Variants in NXPE4 observed in about 807,000 individuals in gnomAD.
The protein encoded by NXPE4 is NXPE family member 4.
Under a neutral mutation model 33.3 loss-of-function variants are expected in NXPE4, and 42 were observed. The observed-to-expected ratio is 1.26, with a 90% CI of 0.98 to 1.63. The LOEUF (loss-of-function observed/expected upper bound fraction) is 1.63, where lower values mean the gene tolerates loss of function less well. Ranked by LOEUF, NXPE4 falls within the 40% of genes most tolerant of loss-of-function variation. The probability of loss-of-function intolerance (pLI) is 0.00; values close to 1 mark genes in which losing one functional copy is unlikely to be tolerated. For synonymous variants in NXPE4, 253 were observed against 234.9 expected, an observed-to-expected ratio of 1.08 and a Z score of -0.71; for missense variants, 709 against 647.6, an observed-to-expected ratio of 1.09 and a Z score of -1.03.
upstream of NXPE4, among the ~76,000 whole-genome samples, chr11:114,599,295 C>T (rs1949612379): frequency 6.6e-6 from 1 of 152,176 alleles, no homozygotes; most frequent in Non-Finnish European, 1.5e-5. Flanking sequence ...CTTCTGAGAC[C>T]TCCTCAGACT....
the NXPE4 span, among the ~76,000 whole-genome samples, chr11:114,610,217 A>G: frequency 2.0e-5 from 3 of 151,946 alleles, no homozygotes; most frequent in Non-Finnish European, 1.5e-5. Flanking sequence ...TACCCAGTCA[A>G]TAATAAGTGT....
chr11:114,604,640 G>A, the NXPE4 span, among the ~76,000 whole-genome samples: 3 of 142,226 alleles, frequency 2.1e-5, no homozygotes, highest in Admixed American at 7.0e-5. Context: ...GTGGGTAACC[G>A]CTGTTACCCG....
At chr11:114,646,511 C>T in the NXPE4 span, among the ~76,000 whole-genome samples, 1 of 151,798 alleles carries the variant, frequency 6.6e-6, no homozygotes, top group African/African-American at 2.4e-5. Context: ...TTTATTAGAA[C>T]AATGTAATTT....
the NXPE4 span, among the ~76,000 whole-genome samples, chr11:114,622,144 G>A: frequency 6.6e-6 from 1 of 152,048 alleles, no homozygotes; most frequent in African/African-American, 2.4e-5. Flanking sequence ...ATTGCCTCAT[G>A]GGTAGCCACT....
At chr11:114,647,512 T>A in the NXPE4 span, among the ~76,000 whole-genome samples, 1 of 152,278 alleles carries the variant, frequency 6.6e-6, no homozygotes, top group African/African-American at 2.4e-5. Flanking sequence ...TATGTAAGTT[T>A]CCTGTTTTTT....
the NXPE4 span, among the ~76,000 whole-genome samples, chr11:114,639,817 A>AAATATAATATATATTATATTAAATATAC: frequency 1.1e-4 from 13 of 119,714 alleles, no homozygotes; most frequent in Non-Finnish European, 1.9e-4. Context: ...AAATAATATA[A>AAATATAATATATATTATATTAAATATAC]AATATAATAT....
At chr11:114,675,925 AG>A in the NXPE4 span, among the ~76,000 whole-genome samples, 1 of 151,982 alleles carries the variant, frequency 6.6e-6, no homozygotes. Flanking sequence ...AACCAAATAG[AG>A]ACCCCAGAAA....
the NXPE4 span, among the ~76,000 whole-genome samples, chr11:114,620,559 A>G: frequency 6.6e-6 from 1 of 151,908 alleles, no homozygotes; most frequent in South Asian, 2.1e-4. Flanking sequence ...TAGGGTAACC[A>G]CTGTTACGCG....
chr11:114,576,992 C>CAT (rs1334569530), intron 5 of NXPE4, among the ~76,000 whole-genome samples: 7 of 88,978 alleles, frequency 7.9e-5, no homozygotes, highest in Non-Finnish European at 6.2e-5. Context: ...TATATATATA[C>CAT]ATATATATAT....
At chr11:114,655,954 A>T in the NXPE4 span, among the ~76,000 whole-genome samples, 1 of 152,192 alleles carries the variant, frequency 6.6e-6, no homozygotes, top group Non-Finnish European at 1.5e-5. Context: ...AAAGAAATAA[A>T]GCGTATTCAC....
At chr11:114,624,745 C>A in the NXPE4 span, among the ~76,000 whole-genome samples, 2 of 152,068 alleles carry the variant, frequency 1.3e-5, no homozygotes, top group Non-Finnish European at 2.9e-5. Context: ...TCCAGGGTAA[C>A]CACTGTTACC....
the NXPE4 span, among the ~76,000 whole-genome samples, chr11:114,620,418 G>C: frequency 1.3e-5 from 2 of 152,038 alleles, no homozygotes; most frequent in African/African-American, 4.8e-5. Flanking sequence ...AATAAGTGTT[G>C]AGTCATGGGT....
At chr11:114,614,607 G>C in the NXPE4 span, among the ~76,000 whole-genome samples, 1 of 151,814 alleles carries the variant, frequency 6.6e-6, no homozygotes, top group Non-Finnish European at 1.5e-5. Flanking sequence ...GTTGCCTCGT[G>C]GGTAACCACT....
intron 4 of NXPE4, among the ~76,000 whole-genome samples, chr11:114,580,790 C>A (rs1478448413): frequency 2.0e-5 from 3 of 152,098 alleles, no homozygotes; most frequent in Non-Finnish European, 4.4e-5. Context: ...ATATTAACAA[C>A]TAGTTTGGCT....
chr11:114,598,894 A>G (rs1332862811), upstream of NXPE4, among the ~76,000 whole-genome samples: 1 of 152,176 alleles, frequency 6.6e-6, no homozygotes, highest in Non-Finnish European at 1.5e-5. Flanking sequence ...ACCAAGGCTT[A>G]TGGCTTGCAC....
At chr11:114,638,248 G>T in the NXPE4 span, among the ~76,000 whole-genome samples, 2 of 151,844 alleles carry the variant, frequency 1.3e-5, no homozygotes, top group African/African-American at 4.8e-5. Context: ...TCTTCCAGTT[G>T]ATCACATCAG....
At chr11:114,671,939 C>T in the NXPE4 span, among the ~76,000 whole-genome samples, 8 of 152,026 alleles carry the variant, frequency 5.3e-5, no homozygotes, top group African/African-American at 1.9e-4. Flanking sequence ...GTTTAATCGG[C>T]TTATGTTTCT....
Position 114,581,619 on chromosome 11 carries a change from A to G in NXPE4, c.892+106T>C, listed in dbSNP as rs111229935. The stretch of plus-strand genomic sequence containing the variant: ...GGCCAACCTTAGATAAGCCAGATGA[A>G]CAGAGTGCTGATAGGACTGAAACAG... On this transcript the variant is annotated intron_variant, in intron 4 of 5. Coordinates refer to ENST00000375478, the MANE Select transcript of NXPE4 (RefSeq NM_001077639.2). The G allele has an allele frequency of 4.6e-4, 409 of 882,704 alleles. 1 individual carries two copies. The African/African-American group carries it at 6.1e-3, about 13-fold the overall frequency. The allele number at this position is 882,704 out of a possible 1,614,324, so 54.7% of individuals were successfully genotyped here. A position where few individuals can be genotyped will look rare whatever the true frequency, so the allele number is the denominator to read the frequency against.
At chr11:114,631,080 T>C in the NXPE4 span, among the ~76,000 whole-genome samples, 1 of 151,958 alleles carries the variant, frequency 6.6e-6, no homozygotes, top group Admixed American at 6.6e-5. Flanking sequence ...TTGGTGGGAC[T>C]GTAAACTAGT....
Sources: allele counts gnomAD v4.1 joint callset (sites outside exome capture counted in the v4.1 genomes callset), GRCh38; gene constraint gnomAD v4.1.1; transcripts MANE v1.5; gene names NCBI Gene and HGNC (gene_info 2026-07-23, HGNC 2026-07-21).